Variants in NLN observed in about 807,000 individuals in gnomAD.
NLN encodes neurolysin.
NLN carries 64 observed loss-of-function variants against 79.9 expected under a neutral mutation model. That is an observed-to-expected ratio of 0.80 (90% CI 0.65 to 0.99). NLN has a LOEUF of 0.99. NLN is among the 50% of genes least tolerant of loss of function. The pLI is 0.00. For synonymous variants in NLN, 267 were observed against 296.6 expected (o/e 0.90, Z 1.02); for missense variants, 835 against 858.7 (o/e 0.97, Z 0.34).
intron 3 of NLN, among the ~76,000 whole-genome samples, chr5:65,773,102 G>A (rs1011643217): frequency 6.8e-6 from 1 of 146,842 alleles, no homozygotes; most frequent in African/African-American, 2.5e-5. Context: ...ACAGGCATAA[G>A]CCACCACACC....
intron 1 of NLN, among the ~76,000 whole-genome samples, chr5:65,736,506 T>G (rs562000016): frequency 6.6e-6 from 1 of 152,346 alleles, no homozygotes; most frequent in South Asian, 2.1e-4. Context: ...CCAAAGTGGT[T>G]ATACTAATTT....
chr5:65,787,561 A>C (rs1239656758), intron 7 of NLN, among the ~76,000 whole-genome samples: 1 of 152,180 alleles, frequency 6.6e-6, no homozygotes, highest in African/African-American at 2.4e-5. Context: ...GACCACAGCA[A>C]TATAATTTGT....
At chr5:65,728,913 G>A (rs1758540151) in intron 1 of NLN, among the ~76,000 whole-genome samples, 1 of 152,144 alleles carries the variant, frequency 6.6e-6, no homozygotes, top group African/African-American at 2.4e-5. Context: ...GCATGATCAT[G>A]GCTCACTGCA....
At chr5:65,816,953 T>G (rs1579973760) in intron 12 of NLN, among the ~76,000 whole-genome samples, 2 of 152,274 alleles carry the variant, frequency 1.3e-5, no homozygotes, top group African/African-American at 4.8e-5. Context: ...CACATGTTGT[T>G]GATGTTATTG....
intron 3 of NLN, 60 bp downstream of exon 3, chr5:65,763,168 C>G (rs1346385185): frequency 1.4e-6 from 2 of 1,441,670 alleles, no homozygotes; most frequent in East Asian, 4.6e-5. Context: ...AAAGAACATT[C>G]AGTCATAAAT....
intron 3 of NLN, among the ~76,000 whole-genome samples, chr5:65,772,122 T>C (rs1759582639): frequency 6.6e-6 from 1 of 152,232 alleles, no homozygotes; most frequent in South Asian, 2.1e-4. Flanking sequence ...GGGATCCAGA[T>C]ATAAAGCATC....
chr5:65,765,289 G>A (rs1009389074), intron 3 of NLN, among the ~76,000 whole-genome samples: 12 of 152,072 alleles, frequency 7.9e-5, no homozygotes, highest in East Asian at 1.9e-4. Flanking sequence ...AGGCCAAGGC[G>A]GGTGGATCAC....
intron 10 of NLN, 115 bp downstream of exon 10, chr5:65,809,816 C>A: frequency 4.0e-6 from 4 of 995,318 alleles, no homozygotes; most frequent in Non-Finnish European, 5.8e-6. Context: ...ACCGTGCTAG[C>A]ATGAGGAGTG....
chr5:65,787,464 GT>G (rs1281153496), intron 7 of NLN, among the ~76,000 whole-genome samples: 1 of 152,172 alleles, frequency 6.6e-6, no homozygotes, highest in African/African-American at 2.4e-5. Context: ...AGCCAGGCAT[GT>G]TTTTATCGTA....
rs142141780 is a variant in NLN at position 65,814,946 on chromosome 5, T to C, written c.1980+2555T>C. Among the ~76,000 whole-genome samples the C allele has an allele frequency of 1.4e-3, 215 of 152,328 alleles. 1 individual carries two copies. Among genetic ancestry groups the C allele is most frequent in the African/African-American group, 4.9e-3 (202 of 41,578 alleles). On this transcript the variant is annotated intron_variant, in intron 12 of 12. Coordinates refer to ENST00000380985, the MANE Select transcript of NLN (RefSeq NM_020726.5). Reference sequence around the variant, plus strand: ...AAAAAAAAGTACATCAAAATGTCAATGATTATCTTTGGGGATAAGTTTATG... The same window carrying C: ...AAAAAAAAGTACATCAAAATGTCAACGATTATCTTTGGGGATAAGTTTATG...
intron 4 of NLN, among the ~76,000 whole-genome samples, chr5:65,778,709 T>C (rs1348694672): frequency 6.6e-6 from 1 of 152,176 alleles, no homozygotes; most frequent in African/African-American, 2.4e-5. Flanking sequence ...AGTGGAGTCA[T>C]TGGCCAACTG....
Position 65,781,372 on chromosome 5 carries a change from C to G in NLN, c.773C>G (p.Pro258Arg). The G allele has an allele frequency of 6.2e-7, 1 of 1,608,812 alleles. No homozygotes were observed. The highest frequency in any genetic ancestry group is 2.2e-5 in the East Asian group (1 of 44,820). ...YFPVMKKCCIPETRRRMEMAF... is the reference protein window; with the variant it reads ...YFPVMKKCCIRETRRRMEMAF... The stretch of plus-strand genomic sequence containing the variant: ...CCTGTCATGAAGAAATGTTGTATCC[C>G]TGAAACCAGAAGAAGGATGGAAATG... Residue 258 changes from proline to arginine, a missense_variant, in exon 6 of 13, where the codon CCT becomes CGT. Transcript: ENST00000380985.
At chr5:65,729,453 C>T (rs1758556636) in intron 1 of NLN, among the ~76,000 whole-genome samples, 1 of 146,106 alleles carries the variant, frequency 6.8e-6, no homozygotes, top group South Asian at 2.1e-4. Flanking sequence ...TGGATCACTG[C>T]AACCTCCGCC....
chr5:65,783,872 G>A (rs1759857720), intron 6 of NLN, among the ~76,000 whole-genome samples: 2 of 151,974 alleles, frequency 1.3e-5, no homozygotes, highest in African/African-American at 4.8e-5. Flanking sequence ...CATTATGTAT[G>A]TTTCTCTTCT....
intron 9 of NLN, among the ~76,000 whole-genome samples, chr5:65,796,333 TA>T (rs1456157724): frequency 6.6e-6 from 1 of 152,214 alleles, no homozygotes; most frequent in Non-Finnish European, 1.5e-5. Flanking sequence ...TTTCTTACAT[TA>T]ATTGTGATCT....
intron 3 of NLN, among the ~76,000 whole-genome samples, chr5:65,766,628 A>G (rs546758062): frequency 1.2e-3 from 180 of 152,274 alleles, no homozygotes; most frequent in Non-Finnish European, 2.1e-3. Context: ...TTCAAAACCA[A>G]TCATGCCTCC....
chr5:65,817,985 C>A (rs933169925), intron 12 of NLN, among the ~76,000 whole-genome samples: 5 of 152,216 alleles, frequency 3.3e-5, no homozygotes, highest in African/African-American at 1.2e-4. Flanking sequence ...TGATGTACCA[C>A]CCAACAGCTG....
At chr5:65,803,528 GC>G (rs1760340359) in intron 9 of NLN, among the ~76,000 whole-genome samples, 2 of 152,292 alleles carry the variant, frequency 1.3e-5, no homozygotes, top group Non-Finnish European at 1.5e-5. Flanking sequence ...AGCTTCCGGG[GC>G]CCCTGAGAGT....
intron 9 of NLN, among the ~76,000 whole-genome samples, chr5:65,800,428 C>T (rs1483835953): frequency 6.6e-6 from 1 of 152,156 alleles, no homozygotes; most frequent in Non-Finnish European, 1.5e-5. Flanking sequence ...ATAATCCCAG[C>T]ACTTTGGGAG....
Sources: gnomAD v4.1 joint callset for allele counts (sites outside exome capture counted in the v4.1 genomes callset) on GRCh38, gnomAD v4.1.1 for gene constraint, MANE v1.5 for transcripts, NCBI Gene and HGNC (gene_info 2026-07-23, HGNC 2026-07-21) for gene names.